Variants in MCC observed in about 807,000 individuals in gnomAD.
MCC encodes MCC regulator of Wnt signaling pathway, also known as colorectal mutant cancer protein.
A neutral mutation model predicts 116.2 loss-of-function variants in MCC; 90 were observed. The ratio of observed to expected loss-of-function variants is 0.77; its 90% confidence interval spans 0.65 to 0.92. The LOEUF (loss-of-function observed/expected upper bound fraction) is 0.92. MCC is among the 40% of genes least tolerant of loss of function. The pLI, the probability that MCC is intolerant of heterozygous loss-of-function variation, is 0.00. For missense variants in MCC, 1,516 were observed against 1,312.2 expected (o/e 1.16, Z -2.40); for synonymous variants, 578 against 510.5 (o/e 1.13, Z -1.78).
At chr5:113,179,233 G>A (rs1245113913) in intron 3 of MCC, among the ~76,000 whole-genome samples, 1 of 152,146 alleles carries the variant, frequency 6.6e-6, no homozygotes, top group African/African-American at 2.4e-5. Context: ...CAGTACCACA[G>A]AACACCCTCC....
chr5:113,226,526 T>G (rs1489741583), intron 3 of MCC, among the ~76,000 whole-genome samples: 1 of 152,268 alleles, frequency 6.6e-6, no homozygotes, highest in Admixed American at 6.5e-5. Flanking sequence ...CAAATTAAAT[T>G]ATGTGTGTGT....
intron 3 of MCC, among the ~76,000 whole-genome samples, chr5:113,259,976 A>T (rs563045500): frequency 6.6e-6 from 1 of 152,284 alleles, no homozygotes; most frequent in African/African-American, 2.4e-5. Context: ...TCAAACTACA[A>T]AATGACTCTA....
intron 15 of MCC, among the ~76,000 whole-genome samples, chr5:113,051,457 A>G (rs1752484919): frequency 6.6e-6 from 1 of 152,368 alleles, no homozygotes; most frequent in South Asian, 2.1e-4. Flanking sequence ...GGTGCCTCAC[A>G]TCTGTAATCC....
intron 1 of MCC, among the ~76,000 whole-genome samples, chr5:113,472,337 A>C (rs1227160736): frequency 6.6e-6 from 1 of 152,220 alleles, no homozygotes; most frequent in Non-Finnish European, 1.5e-5. Flanking sequence ...TACTTCTTGC[A>C]ACAAACTTAC....
At chr5:113,374,203 C>CTT (rs66471989) in intron 2 of MCC, among the ~76,000 whole-genome samples, 4 of 136,616 alleles carry the variant, frequency 2.9e-5, no homozygotes, top group South Asian at 2.3e-4. Context: ...GGGGCTTCTA[C>CTT]TTTTTTTTTT....
intron 16 of MCC, 77 bp from the exon 17 acceptor site, chr5:113,043,707 T>C: frequency 9.5e-7 from 1 of 1,047,926 alleles, no homozygotes. Context: ...CAGAGCGCGG[T>C]AGGTGGCTCG....
At chr5:113,267,278 G>C (rs866932763) in intron 3 of MCC, among the ~76,000 whole-genome samples, 18 of 152,032 alleles carry the variant, frequency 1.2e-4, no homozygotes, top group African/African-American at 4.1e-4. Context: ...CTTCCCAAGA[G>C]ACTCTTGGGT....
chr5:113,450,439 C>T (rs1321063969), intron 1 of MCC, among the ~76,000 whole-genome samples: 4 of 152,104 alleles, frequency 2.6e-5, no homozygotes, highest in Non-Finnish European at 5.9e-5. Flanking sequence ...AATATAGCTG[C>T]CTTTGACTGA....
At chr5:113,262,333 G>A (rs922462296) in intron 3 of MCC, among the ~76,000 whole-genome samples, 2 of 152,068 alleles carry the variant, frequency 1.3e-5, no homozygotes, top group African/African-American at 2.4e-5. Flanking sequence ...AAAAACAAGC[G>A]AAACCATCCT....
intron 3 of MCC, among the ~76,000 whole-genome samples, chr5:113,279,508 A>T (rs1396560613): frequency 6.6e-6 from 1 of 152,232 alleles, no homozygotes; most frequent in Non-Finnish European, 1.5e-5. Context: ...CAGAAAAGCA[A>T]TTAACATATT....
intron 6 of MCC, among the ~76,000 whole-genome samples, chr5:113,105,595 C>A (rs1017761398): frequency 6.6e-6 from 1 of 152,190 alleles, no homozygotes; most frequent in Non-Finnish European, 1.5e-5. Context: ...AGGCAACCTT[C>A]TATGCCTTTG....
intron 1 of MCC, among the ~76,000 whole-genome samples, chr5:113,444,693 T>C (rs937403401): frequency 3.9e-5 from 6 of 152,236 alleles, no homozygotes; most frequent in South Asian, 2.1e-4. Flanking sequence ...CCTGGCTCTG[T>C]TATTTATGCT....
chr5:113,061,541 C>G (rs573351816), intron 14 of MCC, among the ~76,000 whole-genome samples: 3 of 152,254 alleles, frequency 2.0e-5, no homozygotes, highest in East Asian at 3.9e-4. Context: ...CTATATTTTT[C>G]AAAAATGAAG....
At chr5:113,290,462 T>A (rs1033995951) in intron 3 of MCC, among the ~76,000 whole-genome samples, 1 of 152,224 alleles carries the variant, frequency 6.6e-6, no homozygotes, top group Admixed American at 6.5e-5. Context: ...AGAAATTTTT[T>A]AAAAATAAAT....
chr5:113,063,999 G>A lies in MCC; in HGVS notation c.2198C>T (p.Ser733Phe), dbSNP rs756995567. ...TGAGCATTACCTGGTGTGGCTGTTG[G>A]AGGAAAGGCTCTCCCAGGGCTGCAC... ...CSVQPWESLSSNSHTSTTSST... is the reference protein window; with the variant it reads ...CSVQPWESLSFNSHTSTTSST... The change falls in exon 14 of 19, where the codon TCC becomes TTC. Residue 733 changes from serine to phenylalanine, a missense_variant. By Grantham distance (155) the Ser-to-Phe change is radical. Coordinates refer to ENST00000408903, the MANE Select transcript of MCC (RefSeq NM_001085377.2). 7 of 1,612,688 alleles carry A rather than the reference G, an allele frequency of 4.3e-6. No individual in the cohort carries two copies. Among genetic ancestry groups the A allele is most frequent in the Middle Eastern group, 1.8e-4 (1 of 5,520 alleles).
At chr5:113,070,253 C>G (rs1370445676) in intron 12 of MCC, among the ~76,000 whole-genome samples, 1 of 152,230 alleles carries the variant, frequency 6.6e-6, no homozygotes, top group Non-Finnish European at 1.5e-5. Flanking sequence ...GTGTACGATA[C>G]AGTCAACTAC....
chr5:113,277,869 C>A (rs1050594370), intron 3 of MCC, among the ~76,000 whole-genome samples: 2 of 152,202 alleles, frequency 1.3e-5, no homozygotes, highest in African/African-American at 4.8e-5. Context: ...ATGCCCAAAT[C>A]CTGACCTGTC....
chr5:113,192,625 C>T (rs1442626813), intron 3 of MCC, among the ~76,000 whole-genome samples: 1 of 152,168 alleles, frequency 6.6e-6, no homozygotes, highest in Non-Finnish European at 1.5e-5. Context: ...CTTCACAGTT[C>T]GCTTATTATT....
At chr5:113,132,804 G>C (rs1045508183) in intron 5 of MCC, among the ~76,000 whole-genome samples, 2 of 152,118 alleles carry the variant, frequency 1.3e-5, no homozygotes, top group Admixed American at 1.3e-4. Context: ...ATAGTACTCA[G>C]TGTCCCAATT....
Sources: allele counts gnomAD v4.1 joint callset (sites outside exome capture counted in the v4.1 genomes callset), GRCh38; gene constraint gnomAD v4.1.1; transcripts MANE v1.5; gene names NCBI Gene and HGNC (gene_info 2026-07-23, HGNC 2026-07-21).